Variants in SAMMSON observed in about 807,000 individuals in gnomAD.
SAMMSON encodes the protein long intergenic non-protein coding RNA 1212.
intron 7 of SAMMSON, among the ~76,000 whole-genome samples, chr3:70,292,555 T>G (rs992818378): frequency 3.9e-5 from 6 of 152,172 alleles, no homozygotes; most frequent in African/African-American, 1.2e-4. Context: ...AAGGATAGTT[T>G]ATAAACTTGT....
chr3:70,192,635 C>T (rs1309786783), intron 4 of SAMMSON, among the ~76,000 whole-genome samples: 1 of 152,152 alleles, frequency 6.6e-6, no homozygotes, highest in East Asian at 1.9e-4. Flanking sequence ...CTTCTCAAAA[C>T]GTGGAGTCTT....
chr3:70,010,486 T>G (rs2066949236), intron 1 of SAMMSON, among the ~76,000 whole-genome samples: 1 of 152,146 alleles, frequency 6.6e-6, no homozygotes, highest in South Asian at 2.1e-4. Flanking sequence ...GTTTTCCTGT[T>G]TATTGCCAAA....
At chr3:70,249,606 T>G (rs879861471) in exon 6 of SAMMSON, 1 of 152,094 alleles carries the variant, frequency 6.6e-6, no homozygotes, top group African/African-American at 2.4e-5. Flanking sequence ...GCCCCTGCTG[T>G]GAAAATGGAA....
intron 4 of SAMMSON, among the ~76,000 whole-genome samples, chr3:70,235,404 G>A (rs1345695111): frequency 1.3e-5 from 2 of 152,026 alleles, no homozygotes; most frequent in African/African-American, 2.4e-5. Flanking sequence ...CTCACAATTG[G>A]CTTCCGTCTC....
intron 1 of SAMMSON, among the ~76,000 whole-genome samples, chr3:70,000,961 C>A (rs2066903297): frequency 6.6e-6 from 1 of 152,110 alleles, no homozygotes; most frequent in African/African-American, 2.4e-5. Flanking sequence ...TCCTGAGGCC[C>A]TGGAGAAGCT....
intron 3 of SAMMSON, among the ~76,000 whole-genome samples, chr3:70,049,839 A>G (rs1396192442): frequency 6.6e-6 from 1 of 152,086 alleles, no homozygotes; most frequent in East Asian, 1.9e-4. Context: ...TCATAGAAAT[A>G]TATATTACTG....
At chr3:70,185,250 C>T (rs923380494) in intron 4 of SAMMSON, among the ~76,000 whole-genome samples, 5 of 152,060 alleles carry the variant, frequency 3.3e-5, no homozygotes, top group African/African-American at 1.2e-4. Context: ...AAAGGAGAAA[C>T]CATATAAAAA....
intron 9 of SAMMSON, among the ~76,000 whole-genome samples, chr3:70,374,594 G>A (rs577651159): frequency 6.6e-6 from 1 of 152,210 alleles, no homozygotes; most frequent in South Asian, 2.1e-4. Flanking sequence ...CCTTGGTTGG[G>A]AAGGTGTCTA....
At chr3:70,202,002 G>A (rs1045490039) in intron 4 of SAMMSON, among the ~76,000 whole-genome samples, 1 of 152,152 alleles carries the variant, frequency 6.6e-6, no homozygotes, top group Non-Finnish European at 1.5e-5. Flanking sequence ...ATCTCTCTCT[G>A]AATGTATATC....
At chr3:70,027,266 A>G (rs2067044817) in intron 3 of SAMMSON, among the ~76,000 whole-genome samples, 1 of 152,222 alleles carries the variant, frequency 6.6e-6, no homozygotes, top group African/African-American at 2.4e-5. Context: ...GGAAAAATGT[A>G]TCATCAGCCA....
intron 9 of SAMMSON, among the ~76,000 whole-genome samples, chr3:70,374,074 C>G (rs1015394873): frequency 1.3e-5 from 2 of 152,098 alleles, no homozygotes; most frequent in East Asian, 3.9e-4. Flanking sequence ...GCCACCACAC[C>G]CAGCTAATTT....
At chr3:70,034,321 A>C (rs1372027024) in intron 3 of SAMMSON, among the ~76,000 whole-genome samples, 1 of 152,168 alleles carries the variant, frequency 6.6e-6, no homozygotes, top group Non-Finnish European at 1.5e-5. Context: ...TAGATTTTTA[A>C]AAGGCTATAT....
chr3:70,434,144 C>G (rs1286073624), intron 2 of SAMMSON, among the ~76,000 whole-genome samples: 3 of 152,134 alleles, frequency 2.0e-5, no homozygotes, highest in Admixed American at 2.0e-4. Flanking sequence ...ACTTTAGAAT[C>G]ATTTGTTGAT....
At chr3:70,252,754 G>A (rs1701781355) in intron 6 of SAMMSON, among the ~76,000 whole-genome samples, 1 of 152,064 alleles carries the variant, frequency 6.6e-6, no homozygotes, top group African/African-American at 2.4e-5. Context: ...GGATACATCA[G>A]TGAACAAAAC....
chr3:70,381,649 G>T (rs2106752104), intron 9 of SAMMSON, among the ~76,000 whole-genome samples: 1 of 152,062 alleles, frequency 6.6e-6, no homozygotes, highest in East Asian at 1.9e-4. Context: ...CAAGTAGCTG[G>T]GTGTAATGAA....
chr3:70,362,855 A>G (rs1409008110), intron 9 of SAMMSON, among the ~76,000 whole-genome samples: 1 of 129,258 alleles, frequency 7.7e-6, no homozygotes, highest in African/African-American at 3.0e-5. Context: ...AGTGTTATGT[A>G]TGGGTTTCAA....
Position 70,142,505 on chromosome 3 carries a change from GAA to G in SAMMSON, n.507+70941_507+70942del, listed in dbSNP as rs1480289132. Reference sequence around the variant, plus strand: ...AGGCTATGAGGATGCAAAGGCATAAGAATGACACAATGGACTTTGGGGACTTA... The same window carrying G: ...AGGCTATGAGGATGCAAAGGCATAAGTGACACAATGGACTTTGGGGACTTA... On this transcript the variant is annotated intron_variant and non_coding_transcript_variant, in intron 4 of 9. Transcript: ENST00000642114. Among the ~76,000 whole-genome samples, 5 of 152,196 alleles carry G rather than the reference GAA, an allele frequency of 3.3e-5. No individual in the cohort carries two copies. The South Asian group carries it at 1.0e-3, about 32-fold the overall frequency.
At chr3:70,337,039 T>C (rs1316974779) in intron 7 of SAMMSON, among the ~76,000 whole-genome samples, 1 of 129,224 alleles carries the variant, frequency 7.7e-6, no homozygotes, top group East Asian at 2.0e-4. Context: ...TAATAATATC[T>C]AACTTAATAT....
chr3:70,404,312 A>G (rs1452349391), intron 2 of SAMMSON, among the ~76,000 whole-genome samples: 1 of 152,160 alleles, frequency 6.6e-6, no homozygotes, highest in Non-Finnish European at 1.5e-5. Context: ...CACGATTTGG[A>G]GACCAAGGAA....
Sources: gnomAD v4.1 joint callset for allele counts (sites outside exome capture counted in the v4.1 genomes callset) on GRCh38, gnomAD v4.1.1 for gene constraint, MANE v1.5 for transcripts, NCBI Gene and HGNC (gene_info 2026-07-23, HGNC 2026-07-21) for gene names.